CYSTM1: variants seen among roughly 807,000 people sequenced by gnomAD.
CYSTM1 encodes the protein cysteine-rich transmembrane module-containing protein 1.
CYSTM1 carries 4 observed loss-of-function variants against 13.1 expected under a neutral mutation model. That is an observed-to-expected ratio of 0.31 (90% CI 0.15 to 0.70). CYSTM1 has a LOEUF of 0.70. Ranked by LOEUF, CYSTM1 falls within the 30% of genes least tolerant of loss-of-function variation. CYSTM1 has a pLI of 0.72. For missense variants in CYSTM1, 96 were observed against 121.6 expected (o/e 0.79, Z 0.99); for synonymous variants, 36 against 42.7 (o/e 0.84, Z 0.62).
chr5:140,188,790 A>AG (rs959437837), intron 1 of CYSTM1, among the ~76,000 whole-genome samples: 1 of 151,896 alleles, frequency 6.6e-6, no homozygotes, highest in African/African-American at 2.4e-5. Context: ...AAAAAAAAAA[A>AG]AAAAAAGAAA....
chr5:140,232,125 C>T (rs1764624262), intron 2 of CYSTM1, among the ~76,000 whole-genome samples: 2 of 152,174 alleles, frequency 1.3e-5, no homozygotes, highest in Admixed American at 1.3e-4. Flanking sequence ...GGGTTTCTGA[C>T]TGGAACTGGG....
intron 2 of CYSTM1, among the ~76,000 whole-genome samples, chr5:140,199,309 T>C (rs905300876): frequency 1.8e-4 from 28 of 152,202 alleles, no homozygotes; most frequent in Non-Finnish European, 3.1e-4. Flanking sequence ...TATAATCCTT[T>C]GGGTATATAC....
chr5:140,177,853 A>G lies in CYSTM1; in HGVS notation c.-21+2568A>G, dbSNP rs73271022. Among the ~76,000 whole-genome samples, 1,414 of 152,354 alleles carry G rather than the reference A, an allele frequency of 9.3e-3. 17 individuals are homozygous for G. Among genetic ancestry groups the G allele is most frequent in the African/African-American group, 0.03 (1,266 of 41,568 alleles). ...TAACTGTTTTCCAAATCTCTTTGAT[A>G]CTATTTGAAGTGGCCAACTAATTAT... On this transcript the variant is annotated intron_variant, in intron 1 of 2. Transcript: ENST00000261811.
chr5:140,227,127 A>C (rs1008235019), intron 2 of CYSTM1, among the ~76,000 whole-genome samples: 6 of 152,144 alleles, frequency 3.9e-5, no homozygotes, highest in Admixed American at 3.3e-4. Context: ...ATAGGCAGAG[A>C]CCAATGGCGC....
intron 2 of CYSTM1, among the ~76,000 whole-genome samples, chr5:140,218,144 C>A (rs1276732672): frequency 1.3e-5 from 2 of 152,158 alleles, no homozygotes; most frequent in Admixed American, 6.5e-5. Context: ...GAGGCAGTAC[C>A]CCTGGCCCTC....
chr5:140,238,677 C>G (rs937441913), intron 2 of CYSTM1, among the ~76,000 whole-genome samples: 1 of 152,216 alleles, frequency 6.6e-6, no homozygotes. Context: ...CTGCAGGAGC[C>G]GTCTCATGGC....
chr5:140,235,939 C>T (rs1292664630), intron 2 of CYSTM1, among the ~76,000 whole-genome samples: 1 of 152,184 alleles, frequency 6.6e-6, no homozygotes, highest in Non-Finnish European at 1.5e-5. Context: ...CAGTCCCCCA[C>T]CAAATCTGGC....
chr5:140,205,679 T>C (rs1380921157), intron 2 of CYSTM1, among the ~76,000 whole-genome samples: 1 of 152,180 alleles, frequency 6.6e-6, no homozygotes, highest in Non-Finnish European at 1.5e-5. Context: ...AATGCATCTT[T>C]ACAGTTTATG....
chr5:140,233,050 A>G (rs1764635185), intron 2 of CYSTM1, among the ~76,000 whole-genome samples: 1 of 152,182 alleles, frequency 6.6e-6, no homozygotes, highest in Non-Finnish European at 1.5e-5. Context: ...GATTTTGCTA[A>G]TATACATCTT....
intron 1 of CYSTM1, among the ~76,000 whole-genome samples, chr5:140,190,000 A>G (rs1280931879): frequency 6.6e-6 from 1 of 152,204 alleles, no homozygotes; most frequent in Non-Finnish European, 1.5e-5. Context: ...AGGATAACCA[A>G]TTAATCCAGT....
chr5:140,206,963 CCATTTAA>C (rs1432671805), intron 2 of CYSTM1, among the ~76,000 whole-genome samples: 2 of 152,106 alleles, frequency 1.3e-5, no homozygotes. Flanking sequence ...TGAGGATAAT[CCATTTAA>C]CTTTCCCCCT....
At chr5:140,221,978 G>A (rs938781791) in intron 2 of CYSTM1, among the ~76,000 whole-genome samples, 1 of 152,222 alleles carries the variant, frequency 6.6e-6, no homozygotes, top group Admixed American at 6.5e-5. Flanking sequence ...TGATTGTGGA[G>A]GCACCCTTGT....
intron 2 of CYSTM1, among the ~76,000 whole-genome samples, chr5:140,218,938 C>A (rs1764460180): frequency 6.6e-6 from 1 of 152,220 alleles, no homozygotes; most frequent in African/African-American, 2.4e-5. Context: ...CCTGCTCCAT[C>A]TACAAGGCCA....
intron 2 of CYSTM1, among the ~76,000 whole-genome samples, chr5:140,242,981 G>C (rs1039369226): frequency 6.6e-6 from 1 of 152,182 alleles, no homozygotes; most frequent in Non-Finnish European, 1.5e-5. Flanking sequence ...TCCCCTCCAG[G>C]GGGGAAGACA....
chr5:140,235,223 C>T (rs978636584), intron 2 of CYSTM1, among the ~76,000 whole-genome samples: 2 of 152,046 alleles, frequency 1.3e-5, no homozygotes, highest in Non-Finnish European at 2.9e-5. Context: ...CTGCCTCAGC[C>T]TCCCAAAGTG....
At chr5:140,194,229 AGTCT>A (rs1250927608) in intron 1 of CYSTM1, among the ~76,000 whole-genome samples, 1 of 152,222 alleles carries the variant, frequency 6.6e-6, no homozygotes, top group Non-Finnish European at 1.5e-5. Context: ...CACAGCCTAC[AGTCT>A]AGTGGAGGAA....
chr5:140,233,848 G>T (rs1171869246), intron 2 of CYSTM1, among the ~76,000 whole-genome samples: 5 of 152,108 alleles, frequency 3.3e-5, no homozygotes, highest in African/African-American at 1.2e-4. Context: ...TTTGAGAGTT[G>T]TTATATATTT....
chr5:140,222,971 A>G (rs998003692), intron 2 of CYSTM1, among the ~76,000 whole-genome samples: 3 of 152,230 alleles, frequency 2.0e-5, no homozygotes, highest in African/African-American at 7.2e-5. Flanking sequence ...TCTTCTGGAC[A>G]CTGTACATAT....
chr5:140,194,168 C>T (rs916873597), intron 1 of CYSTM1, among the ~76,000 whole-genome samples: 2 of 152,220 alleles, frequency 1.3e-5, no homozygotes, highest in Admixed American at 6.5e-5. Flanking sequence ...AGGCACTCTG[C>T]AGTGCTCTAG....
Sources: gnomAD v4.1 joint callset for allele counts (sites outside exome capture counted in the v4.1 genomes callset) on GRCh38, gnomAD v4.1.1 for gene constraint, MANE v1.5 for transcripts, NCBI Gene and HGNC (gene_info 2026-07-23, HGNC 2026-07-21) for gene names.